The following ARL15 variants were observed in gnomAD, a reference collection of about 807,000 sequenced individuals.
ARL15 encodes the protein ARF like GTPase 15, also known as ADP-ribosylation factor-like protein 15.
ARL15 carries 19 observed loss-of-function variants against 25.2 expected under a neutral mutation model. The observed-to-expected ratio is 0.75, with a 90% CI of 0.53 to 1.10. The LOEUF is 1.10. ARL15 is among the 50% of genes least tolerant of loss of function. The pLI, the probability that ARL15 is intolerant of heterozygous loss-of-function variation, is 0.00. For missense variants in ARL15, 220 were observed against 246.0 expected, an observed-to-expected ratio of 0.89 and a Z score of 0.71; for synonymous variants, 94 against 86.8, an observed-to-expected ratio of 1.08 and a Z score of -0.46.
At chr5:53,919,177 C>T (rs767801530) in intron 4 of ARL15, among the ~76,000 whole-genome samples, 10 of 152,286 alleles carry the variant, frequency 6.6e-5, no homozygotes, top group South Asian at 2.1e-4. Flanking sequence ...AGCAGTCATA[C>T]AGTTTTCCTT....
rs191081684 is a variant in ARL15, at chr5:53,897,806, G to C, written c.463-11093C>G. 3.7e-3 allele frequency among the ~76,000 whole-genome samples: 567 copies of C among 152,148 alleles called. 5 individuals are homozygous for C. The highest frequency in any genetic ancestry group is 5.6e-3 in the Non-Finnish European group (379 of 67,990). On this transcript the variant is annotated intron_variant, in intron 4 of 4. Coordinates refer to ENST00000504924, the MANE Select transcript of ARL15 (RefSeq NM_019087.3). ...CTTTTATATGTTGCTGGATTAATTT[G>C]TTAGTACAGTTGATCCTTGAACAAC...
At chr5:54,287,105 C>G (rs1403901615) in intron 1 of ARL15, among the ~76,000 whole-genome samples, 1 of 151,968 alleles carries the variant, frequency 6.6e-6, no homozygotes, top group Non-Finnish European at 1.5e-5. Flanking sequence ...GTCTCAAACT[C>G]CTGGGCTCCA....
At chr5:54,200,343 T>A (rs945850389) in intron 1 of ARL15, among the ~76,000 whole-genome samples, 6 of 150,220 alleles carry the variant, frequency 4.0e-5, no homozygotes, top group Non-Finnish European at 7.4e-5. Context: ...AAAAAAAATT[T>A]AAAAATAAAT....
chr5:54,233,472 A>G lies in ARL15; in HGVS notation c.49-61544T>C, dbSNP rs568827052. ...TCTTAGAAAACTTGTATCTGCCATC[A>G]TGAACTTGACATATTTACAAGACTG... is the stretch of plus-strand genomic sequence containing the variant. On this transcript the variant is annotated intron_variant, in intron 1 of 4. Transcript: ENST00000504924. Among the ~76,000 whole-genome samples, 29 of 152,378 alleles carry G rather than the reference A, an allele frequency of 1.9e-4. No homozygotes were observed. In the South Asian group the frequency reaches 6.0e-3, roughly 32 times the overall value.
intron 4 of ARL15, among the ~76,000 whole-genome samples, chr5:54,029,107 G>T (rs992875392): frequency 3.3e-5 from 5 of 151,912 alleles, no homozygotes; most frequent in South Asian, 4.2e-4. Flanking sequence ...AGGTTCTTGA[G>T]TCAGACTCTC....
rs542837514 is a variant in ARL15, at chr5:54,024,250, T to A, written c.462+88952A>T. 2.0e-5 allele frequency among the ~76,000 whole-genome samples: 3 copies of A among 152,290 alleles called. No homozygotes were observed. The East Asian group carries it at 5.8e-4, about 29-fold the overall frequency. On this transcript the variant is annotated intron_variant, in intron 4 of 4. Transcript: ENST00000504924. ...AAATGCAACCATGGAGAAAACTCGG[T>A]GACGAGTACACAGGATCTTTCTCAG...
At chr5:54,003,488 G>A (rs1408982854) in intron 4 of ARL15, among the ~76,000 whole-genome samples, 2 of 152,140 alleles carry the variant, frequency 1.3e-5, no homozygotes, top group Non-Finnish European at 2.9e-5. Context: ...TCTGCTGAAG[G>A]TCTTTCATGA....
intron 4 of ARL15, among the ~76,000 whole-genome samples, chr5:53,887,145 C>T (rs1028209971): frequency 9.2e-5 from 14 of 152,268 alleles, no homozygotes; most frequent in Admixed American, 7.8e-4. Context: ...ATTGATTACT[C>T]AAGACTCAAT....
At chr5:54,271,127 T>C (rs1757773462) in intron 1 of ARL15, among the ~76,000 whole-genome samples, 1 of 152,230 alleles carries the variant, frequency 6.6e-6, no homozygotes, top group South Asian at 2.1e-4. Context: ...TTGGCTTTCC[T>C]GGTTCTGAGG....
intron 1 of ARL15, among the ~76,000 whole-genome samples, chr5:54,221,690 C>T (rs1459026350): frequency 6.6e-6 from 1 of 152,072 alleles, no homozygotes; most frequent in Non-Finnish European, 1.5e-5. Context: ...TAAGCATAAA[C>T]TTCACACAAA....
At chr5:53,986,671 G>A (rs186606280) in intron 4 of ARL15, among the ~76,000 whole-genome samples, 1 of 152,320 alleles carries the variant, frequency 6.6e-6, no homozygotes, top group Non-Finnish European at 1.5e-5. Context: ...TTTTTAACTT[G>A]GGGTAATGGG....
intron 4 of ARL15, among the ~76,000 whole-genome samples, chr5:54,058,011 TATTTA>T (rs1488614532): frequency 2.9e-4 from 41 of 142,532 alleles, no homozygotes; most frequent in African/African-American, 4.5e-4. Context: ...TTTATTTATT[TATTTA>T]TTTTTTTTGA....
At chr5:53,974,960 T>C (rs1489575202) in intron 4 of ARL15, among the ~76,000 whole-genome samples, 1 of 152,064 alleles carries the variant, frequency 6.6e-6, no homozygotes, top group East Asian at 1.9e-4. Flanking sequence ...GTATAAAAAG[T>C]CTTCTGGTTA....
intron 4 of ARL15, among the ~76,000 whole-genome samples, chr5:54,026,335 C>T (rs1749785916): frequency 6.6e-6 from 1 of 152,156 alleles, no homozygotes; most frequent in South Asian, 2.1e-4. Flanking sequence ...GTGGCATAAT[C>T]AGAGCTCACT....
chr5:54,274,219 G>A (rs541103342), intron 1 of ARL15, among the ~76,000 whole-genome samples: 4 of 152,114 alleles, frequency 2.6e-5, no homozygotes, highest in Non-Finnish European at 4.4e-5. Flanking sequence ...GTCGGCTGAC[G>A]CTGGGTCAGA....
rs1473840349 is a variant in ARL15 at position 54,274,822 on chromosome 5, A to G, written c.48+35610T>C. 3.3e-5 allele frequency among the ~76,000 whole-genome samples: 5 copies of G among 152,230 alleles called. No homozygotes were observed. In the East Asian group the frequency reaches 5.8e-4, roughly 18 times the overall value. On this transcript the variant is annotated intron_variant, in intron 1 of 4. Coordinates refer to ENST00000504924, the MANE Select transcript of ARL15 (RefSeq NM_019087.3). ...GGCAAGAGAACTGCTTGAACCCGGG[A>G]GGCAGGGGTTGCAGTGAGCCCAGAT...
chr5:54,187,869 G>GT (rs1443912135), intron 1 of ARL15, among the ~76,000 whole-genome samples: 1 of 152,162 alleles, frequency 6.6e-6, no homozygotes, highest in Non-Finnish European at 1.5e-5. Context: ...GAAGCCATGT[G>GT]TAGCACCTAG....
intron 4 of ARL15, among the ~76,000 whole-genome samples, chr5:54,037,171 C>T (rs1461508974): frequency 1.3e-5 from 2 of 151,760 alleles, no homozygotes; most frequent in Non-Finnish European, 2.9e-5. Flanking sequence ...AAACTTTTAC[C>T]CTTGAAAGAA....
At chr5:54,119,298 C>T (rs1027356795) in intron 3 of ARL15, among the ~76,000 whole-genome samples, 1 of 152,060 alleles carries the variant, frequency 6.6e-6, no homozygotes, top group African/African-American at 2.4e-5. Context: ...GGAGTTTTCT[C>T]CATTTTCTCC....
Sources: allele counts gnomAD v4.1 joint callset (sites outside exome capture counted in the v4.1 genomes callset), GRCh38; gene constraint gnomAD v4.1.1; transcripts MANE v1.5; gene names NCBI Gene and HGNC (gene_info 2026-07-23, HGNC 2026-07-21).